SMARCA2: variants seen among roughly 807,000 people sequenced by gnomAD.
SMARCA2 encodes the protein SWI/SNF related BAF chromatin remodeling complex subunit ATPase 2.
SMARCA2 carries 61 observed loss-of-function variants against 199.8 expected under a neutral mutation model. The ratio of observed to expected loss-of-function variants is 0.31; its 90% CI spans 0.25 to 0.38. The LOEUF (loss-of-function observed/expected upper bound fraction) is 0.38, where lower values mean the gene tolerates loss of function less well. Among genes scored for constraint, SMARCA2 ranks in the 10% least tolerant of loss-of-function variants. SMARCA2 has a pLI of 1.00. For missense variants in SMARCA2, 1,344 were observed against 2,012.2 expected, an observed-to-expected ratio of 0.67 and a Z score of 6.35; for synonymous variants, 935 against 732.0, an observed-to-expected ratio of 1.28 and a Z score of -4.48.
At chr9:2,054,290 T>G (rs1820251928) in intron 5 of SMARCA2, among the ~76,000 whole-genome samples, 1 of 152,234 alleles carries the variant, frequency 6.6e-6, no homozygotes, top group African/African-American at 2.4e-5. Context: ...ATTCTCTCTC[T>G]GCTAAGAGTG....
chr9:2,192,501 G>C, intron 33 of SMARCA2: 1 of 607,878 alleles, frequency 1.6e-6, no homozygotes, highest in South Asian at 1.9e-5. Flanking sequence ...GCTTTGCTTT[G>C]GGGTTTTTCA....
intron 24 of SMARCA2, among the ~76,000 whole-genome samples, chr9:2,113,450 T>A (rs928804266): frequency 6.6e-6 from 1 of 152,200 alleles, no homozygotes; most frequent in African/African-American, 2.4e-5. Context: ...CAGACCTAAG[T>A]CAGTGTGATG....
At chr9:2,018,192 G>A (rs762900077) in intron 1 of SMARCA2, among the ~76,000 whole-genome samples, 1 of 152,254 alleles carries the variant, frequency 6.6e-6, no homozygotes, top group Non-Finnish European at 1.5e-5. Flanking sequence ...GAATGAGGAA[G>A]GCTTGGGAAT....
At chr9:2,049,647 G>T (rs774010366) in intron 5 of SMARCA2, among the ~76,000 whole-genome samples, 6 of 152,212 alleles carry the variant, frequency 3.9e-5, no homozygotes, top group Admixed American at 1.3e-4. Flanking sequence ...CAGTTTGGTG[G>T]TGACAGCATT....
chr9:2,027,978 C>T (rs982355856), intron 1 of SMARCA2, among the ~76,000 whole-genome samples: 1 of 152,224 alleles, frequency 6.6e-6, no homozygotes, highest in African/African-American at 2.4e-5. Flanking sequence ...TGGCTCATAG[C>T]CAAGATGCAG....
rs1366302960 is a variant in SMARCA2, at chr9:2,056,824, G to A, written c.1326G>A (p.Arg442=). ...LEKQQKIEQE[R]KRRQKHQEYL... Reference sequence around the variant, plus strand: ...AGCAGCAGAAGATTGAGCAGGAGAGGAAACGCCGTCAGAAACACCAGGTTC... The same window carrying A: ...AGCAGCAGAAGATTGAGCAGGAGAGAAAACGCCGTCAGAAACACCAGGTTC... Residue 442 remains arginine (R), a synonymous_variant, in exon 7 of 34, where the codon AGG becomes AGA. Transcript: ENST00000349721. The surrounding 1 kb of genome is among the most constrained non-coding windows in gnomAD (Gnocchi z 4.0). 1 of 1,613,932 alleles carries A rather than the reference G, an allele frequency of 6.2e-7. No individual in the cohort carries two copies. Among genetic ancestry groups the A allele is most frequent in the South Asian group, 1.1e-5 (1 of 91,058 alleles).
intron 23 of SMARCA2, among the ~76,000 whole-genome samples, chr9:2,108,583 T>G (rs1416218593): frequency 2.6e-5 from 4 of 152,218 alleles, no homozygotes; most frequent in Non-Finnish European, 5.9e-5. Flanking sequence ...TTCCCCATTT[T>G]AGAAGAAATT....
intron 6 of SMARCA2, chr9:2,055,564 A>T (rs1057166276): frequency 6.6e-6 from 1 of 152,192 alleles, no homozygotes; most frequent in Non-Finnish European, 1.5e-5. Context: ...GGAAGTATTG[A>T]CTTGGTTTGT....
intron 8 of SMARCA2, among the ~76,000 whole-genome samples, chr9:2,060,118 CAAAAAAAAAAAAAAAAAA>C (rs372329238): frequency 3.2e-5 from 2 of 62,414 alleles, no homozygotes; most frequent in Non-Finnish European, 6.8e-5. Context: ...GATCTGTGGC[CAAAAAAAAAAAAAAAAAA>C]AAAAAAAAAA....
At chr9:2,149,128 C>T (rs182899012) in intron 27 of SMARCA2, among the ~76,000 whole-genome samples, 1 of 151,478 alleles carries the variant, frequency 6.6e-6, no homozygotes, top group Admixed American at 6.6e-5. Context: ...ATTGGACTTA[C>T]AGTTCCACAT....
intron 14 of SMARCA2, among the ~76,000 whole-genome samples, chr9:2,081,065 A>G (rs1260867783): frequency 6.6e-6 from 1 of 152,244 alleles, no homozygotes; most frequent in Non-Finnish European, 1.5e-5. Context: ...AATTGACTTT[A>G]GCAAACATAT....
intron 27 of SMARCA2, chr9:2,158,962 G>T (rs747117714): frequency 6.2e-7 from 1 of 1,612,090 alleles, no homozygotes; most frequent in Non-Finnish European, 8.5e-7. Flanking sequence ...TAAAACCTTA[G>T]TTTGAGGGGA....
intron 27 of SMARCA2, among the ~76,000 whole-genome samples, chr9:2,141,135 T>G (rs1824442233): frequency 6.7e-6 from 1 of 149,782 alleles, no homozygotes; most frequent in South Asian, 2.2e-4. Flanking sequence ...TAATCCAAAT[T>G]TATTCCCATA....
In SMARCA2 at chr9:2,157,655, G is replaced by C; in HGVS notation, c.3982-4031G>C. 1.1e-5 allele frequency: 4 copies of C among 377,182 alleles called. No homozygotes were observed. The East Asian group carries it at 1.5e-4, about 14-fold the overall frequency. 23.4% of individuals were successfully genotyped at this position (377,182 alleles called of 1,614,324 possible). A position where few individuals can be genotyped will look rare whatever the true frequency, so the allele number is the denominator to read the frequency against. On this transcript the variant is annotated intron_variant, in intron 27 of 33. Transcript: ENST00000349721. Reference sequence around the variant, plus strand: ...GTTAAGATGGTTTGTTCCACTGTAAGGACTGTGCCACATGGCTTGGTGGAC... The same window carrying C: ...GTTAAGATGGTTTGTTCCACTGTAACGACTGTGCCACATGGCTTGGTGGAC...
At chr9:2,026,861 C>T (rs545932091) in intron 1 of SMARCA2, among the ~76,000 whole-genome samples, 7 of 152,176 alleles carry the variant, frequency 4.6e-5, no homozygotes, top group African/African-American at 1.2e-4. Flanking sequence ...AAAAAAGTTC[C>T]GTCTGCTTTG....
chr9:2,093,036 C>G (rs530151336), intron 19 of SMARCA2, among the ~76,000 whole-genome samples: 1 of 152,296 alleles, frequency 6.6e-6, no homozygotes, highest in South Asian at 2.1e-4. Flanking sequence ...TGTTGATTGC[C>G]TGCTCTGTAC....
chr9:2,036,830 C>T (rs566009639), intron 3 of SMARCA2, among the ~76,000 whole-genome samples: 2 of 152,070 alleles, frequency 1.3e-5, no homozygotes, highest in Admixed American at 6.6e-5. Flanking sequence ...GTAACTGTCT[C>T]ACCTTCATAA....
intron 1 of SMARCA2, among the ~76,000 whole-genome samples, chr9:2,026,857 G>C (rs935374821): frequency 6.6e-6 from 1 of 152,152 alleles, no homozygotes; most frequent in Non-Finnish European, 1.5e-5. Context: ...AGAAAAAAAA[G>C]TTCCGTCTGC....
rs148991905 is a variant in SMARCA2, at chr9:2,161,821, G to T, written c.4117G>T (p.Ala1373Ser). The T allele has an allele frequency of 2.5e-6, 4 of 1,614,012 alleles. No individual in the cohort carries two copies. Among genetic ancestry groups the T allele is most frequent in the Non-Finnish European group, 3.4e-6 (4 of 1,179,936 alleles). The change falls in exon 28 of 34, where the codon GCT (alanine) becomes TCT (serine). Residue 1373 changes from alanine to serine, a missense_variant. Around this residue, in one of 18 missense-constraint regions of SMARCA2, gnomAD observed 151 missense variants for 154.0 expected, o/e 0.98. Coordinates refer to ENST00000349721, the MANE Select transcript of SMARCA2 (RefSeq NM_003070.5). This position sits in a 1 kb window ranked among gnomAD's most constrained non-coding sequence, Gnocchi z 4.7. ...KAKKRRGRPP[A>S]EKLSPNPPKL... ...TAAGAAGAGAAGAGGCCGCCCTCCC[G>T]CTGAGAAACTGTCACCAAATCCCCC...
Sources: gnomAD v4.1 joint callset for allele counts (sites outside exome capture counted in the v4.1 genomes callset) on GRCh38, gnomAD v4.1.1 for gene constraint, gnomAD v4.1.1 regional missense constraint, Gnocchi (gnomAD v3.1) non-coding constraint, MANE v1.5 for transcripts, NCBI Gene and HGNC (gene_info 2026-07-23, HGNC 2026-07-21) for gene names.